The following SRRM4 variants were observed in gnomAD, a reference collection of about 807,000 sequenced individuals.
SRRM4 encodes the protein serine/arginine repetitive matrix protein 4.
In SRRM4, 33 loss-of-function variants were observed where a neutral mutation model predicts 68.9. That is an observed-to-expected ratio of 0.48 (90% confidence interval 0.36 to 0.64). The LOEUF is 0.64. SRRM4 is among the 30% of genes least tolerant of loss of function. The pLI, the probability that SRRM4 is intolerant of heterozygous loss-of-function variation, is 0.00. For missense variants in SRRM4, 817 were observed against 827.1 expected (o/e 0.99, Z 0.15); for synonymous variants, 318 against 318.8 (o/e 1.00, Z 0.03).
intron 1 of SRRM4, among the ~76,000 whole-genome samples, chr12:119,102,011 G>A (rs1954080461): frequency 1.3e-5 from 2 of 152,198 alleles, no homozygotes; most frequent in African/African-American, 4.8e-5. Flanking sequence ...AAGTCGCTAT[G>A]ACAGAGGAAG....
intron 1 of SRRM4, among the ~76,000 whole-genome samples, chr12:119,057,786 G>GT (rs1953786345): frequency 6.6e-6 from 1 of 152,172 alleles, no homozygotes. Flanking sequence ...CTTCCACAAT[G>GT]GCTGAACTAA....
intron 9 of SRRM4, among the ~76,000 whole-genome samples, chr12:119,149,334 G>A (rs893897411): frequency 1.3e-5 from 2 of 152,134 alleles, no homozygotes; most frequent in Non-Finnish European, 2.9e-5. Context: ...GCGACAGAGC[G>A]AGACTGTCTC....
In SRRM4 at chr12:119,159,122, C is replaced by T. The variant is rs543955086; in HGVS notation, c.*2324C>T. ...AAGGTGAGTGGGCTATTGGCCTTCTCCCTGAAGGCTCTAAGCCTGGAACAC... is the reference window on the plus strand; with the variant it reads ...AAGGTGAGTGGGCTATTGGCCTTCTTCCTGAAGGCTCTAAGCCTGGAACAC... On this transcript the variant is annotated 3_prime_UTR_variant, in exon 13 of 13. Coordinates refer to ENST00000267260, the MANE Select transcript of SRRM4 (RefSeq NM_194286.4). 2.0e-4 allele frequency: 30 copies of T among 151,866 alleles called. No homozygotes were observed. Among genetic ancestry groups the T allele is most frequent in the African/African-American group, 7.2e-4 (30 of 41,398 alleles). The allele number at this position is 151,866 out of a possible 1,614,324, so 9.4% of individuals were successfully genotyped here. A position where few individuals can be genotyped will look rare whatever the true frequency, so the allele number is the denominator to read the frequency against.
intron 1 of SRRM4, among the ~76,000 whole-genome samples, chr12:119,074,259 G>T (rs531433903): frequency 9.2e-5 from 14 of 152,078 alleles, no homozygotes; most frequent in Admixed American, 2.6e-4. Flanking sequence ...CCCCATGCAG[G>T]CCCCTTTACC....
rs1385930074 is a variant in SRRM4 at position 119,161,181 on chromosome 12, T to C, written c.*4383T>C. ...TGCTGTTTTCTTTTCCCCTCTTCTT[T>C]TTCACAAATGTTCAAAATGGTCTCA... On this transcript the variant is annotated 3_prime_UTR_variant, in exon 13 of 13. Coordinates refer to ENST00000267260, the MANE Select transcript of SRRM4 (RefSeq NM_194286.4). The C allele has an allele frequency of 6.6e-6, 1 of 152,228 alleles. No homozygotes were observed. Among genetic ancestry groups the C allele is most frequent in the Non-Finnish European group, 1.5e-5 (1 of 68,040 alleles). The allele number at this position is 152,228 out of a possible 1,614,324, so 9.4% of individuals were successfully genotyped here.
chr12:119,049,816 A>C (rs560188924), intron 1 of SRRM4, among the ~76,000 whole-genome samples: 18 of 152,220 alleles, frequency 1.2e-4, no homozygotes, highest in African/African-American at 4.3e-4. Flanking sequence ...TCTTTACATC[A>C]TCTTCTTTTT....
At chr12:119,147,502 A>G (rs1954411435) in intron 9 of SRRM4, among the ~76,000 whole-genome samples, 2 of 152,252 alleles carry the variant, frequency 1.3e-5, no homozygotes, top group African/African-American at 4.8e-5. Context: ...CATCGATTGT[A>G]GCAAATGGAC....
intron 2 of SRRM4, 90 bp from the exon 3 acceptor site, chr12:119,114,188 G>C (rs1283152698): frequency 8.2e-6 from 9 of 1,096,802 alleles, no homozygotes; most frequent in Non-Finnish European, 6.8e-6. Flanking sequence ...GATCATCCAA[G>C]GACCTGGGTC....
rs550730238 is a variant in SRRM4 at position 119,055,851 on chromosome 12, G to A, written c.132-46385G>A. Among the ~76,000 whole-genome samples the A allele has an allele frequency of 4.6e-5, 7 of 152,322 alleles. No individual in the cohort carries two copies. The East Asian group carries it at 1.4e-3, about 29-fold the overall frequency. On this transcript the variant is annotated intron_variant, in intron 1 of 12. Coordinates refer to ENST00000267260, the MANE Select transcript of SRRM4 (RefSeq NM_194286.4). ...CATAAAGTTGTTGGGAGGATATAAG[G>A]AGCTAACACATGTAGTGGGCATCTG...
intron 7 of SRRM4, among the ~76,000 whole-genome samples, chr12:119,129,853 A>C (rs1954282774): frequency 6.6e-6 from 1 of 151,910 alleles, no homozygotes; most frequent in African/African-American, 2.4e-5. Context: ...GGATGAATGG[A>C]TGAATGGTTA....
chr12:119,156,695 G>T lies in SRRM4; in HGVS notation c.1733G>T (p.Gly578Val), dbSNP rs1220846030. Residue 578 changes from glycine (G) to valine (V), a missense_variant, in exon 13 of 13, where the codon GGC becomes GTC. Physicochemically the swap from Gly to Val is moderately radical, Grantham distance 109. Coordinates refer to ENST00000267260, the MANE Select transcript of SRRM4 (RefSeq NM_194286.4). ...SSSSSRSPSP[G>V]SRSRSRSRSR... is the part of the protein sequence containing the mutation. The stretch of plus-strand genomic sequence containing the variant: ...TCTAGCTCCCGCAGCCCTAGTCCGG[G>T]CTCCCGCAGCCGGAGCCGGAGCAGG... 1.3e-6 allele frequency: 2 copies of T among 1,550,866 alleles called. No individual in the cohort carries two copies. The highest frequency in any genetic ancestry group is 1.4e-5 in the African/African-American group (1 of 73,052).
At chr12:119,064,451 A>G (rs1324137267) in intron 1 of SRRM4, among the ~76,000 whole-genome samples, 1 of 152,210 alleles carries the variant, frequency 6.6e-6, no homozygotes, top group Non-Finnish European at 1.5e-5. Context: ...CTGGAGTATG[A>G]AAAGCCAGAG....
chr12:119,100,632 G>A (rs1202487811), intron 1 of SRRM4, among the ~76,000 whole-genome samples: 1 of 152,144 alleles, frequency 6.6e-6, no homozygotes, highest in Admixed American at 6.5e-5. Flanking sequence ...AAACTGACCT[G>A]GATACAATTT....
intron 1 of SRRM4, among the ~76,000 whole-genome samples, chr12:119,033,677 AT>A (rs1417830159): frequency 1.3e-5 from 2 of 150,292 alleles, no homozygotes; most frequent in Non-Finnish European, 3.0e-5. Context: ...AAAAAAAAAA[AT>A]ACTTTTCTCA....
chr12:119,029,718 C>T (rs886596171), intron 1 of SRRM4, among the ~76,000 whole-genome samples: 2 of 152,184 alleles, frequency 1.3e-5, no homozygotes, highest in Non-Finnish European at 2.9e-5. Flanking sequence ...TTTGTTTCTT[C>T]CTGCAGTGAT....
chr12:119,002,879 T>C (rs1247946596), intron 1 of SRRM4, among the ~76,000 whole-genome samples: 6 of 152,008 alleles, frequency 3.9e-5, no homozygotes, highest in Non-Finnish European at 5.9e-5. Context: ...CCAGCATCTA[T>C]TAGGCGTCTA....
chr12:119,025,992 G>A (rs1028717912), intron 1 of SRRM4, among the ~76,000 whole-genome samples: 7 of 151,992 alleles, frequency 4.6e-5, no homozygotes, highest in Non-Finnish European at 7.3e-5. Flanking sequence ...CACGGCCACC[G>A]AGCCATTGGC....
chr12:119,066,574 A>G (rs1953847111), intron 1 of SRRM4, among the ~76,000 whole-genome samples: 1 of 152,230 alleles, frequency 6.6e-6, no homozygotes, highest in Non-Finnish European at 1.5e-5. Context: ...AATCTGTGCC[A>G]TATAACAAGC....
At chr12:119,046,015 C>A (rs570211773) in intron 1 of SRRM4, among the ~76,000 whole-genome samples, 1 of 151,484 alleles carries the variant, frequency 6.6e-6, no homozygotes, top group South Asian at 2.1e-4. Flanking sequence ...TCCAGCCTGG[C>A]GACAGAGCGA....
Sources: allele counts gnomAD v4.1 joint callset (sites outside exome capture counted in the v4.1 genomes callset), GRCh38; gene constraint gnomAD v4.1.1; transcripts MANE v1.5; gene names NCBI Gene and HGNC (gene_info 2026-07-23, HGNC 2026-07-21).